Variants in ATP6V0D2 observed in about 807,000 individuals in gnomAD.
ATP6V0D2 encodes the protein V-type proton ATPase subunit d 2.
In ATP6V0D2, 40 loss-of-function variants were observed where a neutral mutation model predicts 40.0. That is an observed-to-expected ratio of 1.00 (90% CI 0.78 to 1.30). The LOEUF (loss-of-function observed/expected upper bound fraction) is 1.30. Among genes scored for constraint, ATP6V0D2 ranks in the 50% most tolerant of loss-of-function variants. The pLI is 0.00. For synonymous variants in ATP6V0D2, 179 were observed against 156.3 expected (o/e 1.15, Z -1.08); for missense variants, 470 against 423.1 (o/e 1.11, Z -0.97).
chr8:86,104,277 C>T (rs959144332), intron 1 of ATP6V0D2, among the ~76,000 whole-genome samples: 1 of 152,244 alleles, frequency 6.6e-6, no homozygotes. Context: ...TGGGCTCAAG[C>T]AATCCTCCCA....
At chr8:86,105,170 G>A (rs1363311973) in intron 1 of ATP6V0D2, among the ~76,000 whole-genome samples, 1 of 152,156 alleles carries the variant, frequency 6.6e-6, no homozygotes, top group Admixed American at 6.5e-5. Flanking sequence ...TAACATCTGT[G>A]ACATTTGCAT....
chr8:86,149,860 G>A (rs1819119622), intron 5 of ATP6V0D2, among the ~76,000 whole-genome samples: 3 of 152,020 alleles, frequency 2.0e-5, no homozygotes. Flanking sequence ...AGGGTGCCCG[G>A]GAAATAAATC....
At position 86,150,272 on chromosome 8, in the gene ATP6V0D2, T is replaced by C; in HGVS notation, c.800T>C (p.Val267Ala). 6.2e-7 allele frequency: 1 copy of C among 1,613,446 alleles called. No homozygotes were observed. The highest frequency in any genetic ancestry group is 8.5e-7 in the Non-Finnish European group (1 of 1,179,884). The change falls in exon 6 of 8, where the codon GTA becomes GCA. Residue 267 changes from valine to alanine, a missense_variant. Val to Ala is a moderately conservative substitution (Grantham distance 64). Coordinates refer to ENST00000285393, the MANE Select transcript of ATP6V0D2 (RefSeq NM_152565.1). Reference protein sequence around the residue: ...QAEDFDQMKNVADHYGVYKPL... With the variant: ...QAEDFDQMKNAADHYGVYKPL... ...GAAGACTTTGACCAGATGAAGAACG[T>C]AGCGGATCATTACGGAGTATGTGAT...
At chr8:86,114,140 A>T (rs1586088185) in intron 2 of ATP6V0D2, among the ~76,000 whole-genome samples, 2 of 35,996 alleles carry the variant, frequency 5.6e-5, no homozygotes, top group East Asian at 1.5e-3. Context: ...GTTTTCATTT[A>T]AAAAAAAAAA....
chr8:86,109,469 C>T (rs1818507173), intron 1 of ATP6V0D2, among the ~76,000 whole-genome samples: 1 of 152,164 alleles, frequency 6.6e-6, no homozygotes. Flanking sequence ...GAGGTTCCTT[C>T]TATTCCACTT....
intron 1 of ATP6V0D2, among the ~76,000 whole-genome samples, chr8:86,110,287 G>T (rs888663367): frequency 6.6e-6 from 1 of 152,074 alleles, no homozygotes; most frequent in African/African-American, 2.4e-5. Flanking sequence ...TAGAGACGGG[G>T]TTTCACCATG....
chr8:86,113,651 A>G, intron 1 of ATP6V0D2, 58 bp from the exon 2 acceptor site: 1 of 1,453,936 alleles, frequency 6.9e-7, no homozygotes, highest in East Asian at 2.3e-5. Flanking sequence ...CTAATGTTGA[A>G]AAAGCTATTT....
At chr8:86,125,724 GT>G (rs77676332) in intron 2 of ATP6V0D2, among the ~76,000 whole-genome samples, 1 of 151,794 alleles carries the variant, frequency 6.6e-6, no homozygotes, top group Non-Finnish European at 1.5e-5. Flanking sequence ...TGTGAAAAAT[GT>G]TTTTTTATAT....
intron 2 of ATP6V0D2, among the ~76,000 whole-genome samples, chr8:86,115,246 A>G (rs1455248086): frequency 6.6e-6 from 1 of 152,062 alleles, no homozygotes; most frequent in Non-Finnish European, 1.5e-5. Flanking sequence ...GTTGAACGAT[A>G]AAATGATGGC....
In ATP6V0D2 at chr8:86,104,366, C is replaced by T. The variant is rs563748573; in HGVS notation, c.130+5258C>T. On this transcript the variant is annotated intron_variant, in intron 1 of 7. Coordinates refer to ENST00000285393, the MANE Select transcript of ATP6V0D2 (RefSeq NM_152565.1). ...GGAATAAGTTAAATAAGTTATGGAA[C>T]ATTCACATAATGGAATATTCTGCAT... Among the ~76,000 whole-genome samples, 189 of 152,092 alleles carry T rather than the reference C, an allele frequency of 1.2e-3. 1 individual carries two copies. The highest frequency in any genetic ancestry group is 2.2e-3 in the Non-Finnish European group (147 of 68,002).
chr8:86,151,887 A>T (rs4442123), intron 7 of ATP6V0D2, among the ~76,000 whole-genome samples: 19,409 of 151,668 alleles, frequency 0.13, 1,516 homozygotes, highest in Admixed American at 0.21. Flanking sequence ...TTTAGTGTAA[A>T]ATTTTGGTTA....
intron 1 of ATP6V0D2, among the ~76,000 whole-genome samples, chr8:86,103,276 C>T (rs906625127): frequency 7.3e-5 from 11 of 151,376 alleles, no homozygotes; most frequent in African/African-American, 2.7e-4. Context: ...TGCCACCATG[C>T]CTGGCTAGTT....
At chr8:86,106,118 T>A (rs565774166) in intron 1 of ATP6V0D2, among the ~76,000 whole-genome samples, 2 of 152,126 alleles carry the variant, frequency 1.3e-5, no homozygotes, top group African/African-American at 4.8e-5. Flanking sequence ...GTGCTTTTTT[T>A]TTTTATTTTT....
intron 2 of ATP6V0D2, among the ~76,000 whole-genome samples, chr8:86,133,914 T>A (rs1170369298): frequency 2.0e-5 from 3 of 152,038 alleles, no homozygotes; most frequent in African/African-American, 4.8e-5. Flanking sequence ...AAAGAAATAA[T>A]GGCTGAAAAT....
At chr8:86,142,249 T>A (rs1337687176) in intron 4 of ATP6V0D2, among the ~76,000 whole-genome samples, 1 of 152,188 alleles carries the variant, frequency 6.6e-6, no homozygotes, top group East Asian at 1.9e-4. Flanking sequence ...AGAGGAGGCA[T>A]CCTTGAGATA....
At chr8:86,149,673 A>T (rs1471126812) in intron 5 of ATP6V0D2, among the ~76,000 whole-genome samples, 1 of 152,228 alleles carries the variant, frequency 6.6e-6, no homozygotes, top group Admixed American at 6.5e-5. Context: ...CTAGGAAGGG[A>T]TATTAACATG....
At chr8:86,148,430 A>C (rs915274132) in intron 5 of ATP6V0D2, among the ~76,000 whole-genome samples, 10 of 152,300 alleles carry the variant, frequency 6.6e-5, no homozygotes, top group East Asian at 1.9e-4. Context: ...CTTACATAGG[A>C]TTTCCAGTGA....
chr8:86,135,614 A>G (rs1818886106), intron 2 of ATP6V0D2, among the ~76,000 whole-genome samples: 1 of 152,232 alleles, frequency 6.6e-6, no homozygotes, highest in Non-Finnish European at 1.5e-5. Context: ...TAAAAACTTC[A>G]AAAAGAATCA....
chr8:86,150,820 G>A (rs1453230770), intron 6 of ATP6V0D2, among the ~76,000 whole-genome samples: 2 of 152,084 alleles, frequency 1.3e-5, no homozygotes, highest in Non-Finnish European at 2.9e-5. Flanking sequence ...CTCTTGGAGC[G>A]CCTGAAGCTC....
Sources: gnomAD v4.1 joint callset for allele counts (sites outside exome capture counted in the v4.1 genomes callset) on GRCh38, gnomAD v4.1.1 for gene constraint, MANE v1.5 for transcripts, NCBI Gene and HGNC (gene_info 2026-07-23, HGNC 2026-07-21) for gene names.